RAB31: variants seen among roughly 807,000 people sequenced by gnomAD.
The protein encoded by RAB31 is RAB31, member RAS oncogene family.
A neutral mutation model predicts 25.6 loss-of-function variants in RAB31; 21 were observed. The ratio of observed to expected loss-of-function variants is 0.82; its 90% CI spans 0.58 to 1.18. The LOEUF is 1.18. RAB31 is among the 50% of genes most tolerant of loss of function. The probability of loss-of-function intolerance (pLI) is 0.00; values close to 1 mark genes in which losing one functional copy is unlikely to be tolerated. For synonymous variants in RAB31, 87 were observed against 84.0 expected, an observed-to-expected ratio of 1.04 and a Z score of -0.20; for missense variants, 196 against 250.1, an observed-to-expected ratio of 0.78 and a Z score of 1.46.
chr18:9,734,830 C>A, intron 1 of RAB31: 1 of 206,016 alleles, frequency 4.9e-6, no homozygotes, highest in Non-Finnish European at 1.1e-5. Flanking sequence ...CCTGCGGCTG[C>A]AAGCCACCAG....
intron 1 of RAB31, among the ~76,000 whole-genome samples, chr18:9,752,525 C>T (rs2068240778): frequency 6.6e-6 from 1 of 152,154 alleles, no homozygotes; most frequent in Non-Finnish European, 1.5e-5. Flanking sequence ...GTGCCCGGCC[C>T]AGCTCGGCCC....
chr18:9,823,263 G>A (rs1308227826), intron 5 of RAB31, among the ~76,000 whole-genome samples: 5 of 152,108 alleles, frequency 3.3e-5, no homozygotes, highest in East Asian at 1.9e-4. Flanking sequence ...GGTGGGGGAC[G>A]GGGAGGAAAG....
intron 1 of RAB31, among the ~76,000 whole-genome samples, chr18:9,759,146 G>T (rs2068274685): frequency 6.6e-6 from 1 of 152,108 alleles, no homozygotes; most frequent in Non-Finnish European, 1.5e-5. Flanking sequence ...GCTATGTAGA[G>T]CGGAGGGCAC....
chr18:9,822,803 G>A (rs960807644), intron 5 of RAB31, among the ~76,000 whole-genome samples: 8 of 152,176 alleles, frequency 5.3e-5, no homozygotes, highest in East Asian at 3.8e-4. Flanking sequence ...TCATCCATAC[G>A]TTGCCGGTGT....
chr18:9,796,947 C>T (rs1453277129), intron 3 of RAB31, among the ~76,000 whole-genome samples: 1 of 152,092 alleles, frequency 6.6e-6, no homozygotes, highest in East Asian at 1.9e-4. Context: ...AACACATTTT[C>T]TTAAAAATAC....
At chr18:9,796,865 A>G in intron 3 of RAB31, among the ~76,000 whole-genome samples, 1 of 152,094 alleles carries the variant, frequency 6.6e-6, no homozygotes, top group East Asian at 1.9e-4. Flanking sequence ...TCTGCTTTAG[A>G]ATACATGCTT....
At chr18:9,746,749 AC>A (rs1393277004) in intron 1 of RAB31, among the ~76,000 whole-genome samples, 1 of 152,218 alleles carries the variant, frequency 6.6e-6, no homozygotes, top group Non-Finnish European at 1.5e-5. Context: ...ACATTTGCAT[AC>A]CCTTTATACA....
chr18:9,771,464 C>T (rs558601082), intron 1 of RAB31, among the ~76,000 whole-genome samples: 3 of 152,200 alleles, frequency 2.0e-5, no homozygotes, highest in Non-Finnish European at 4.4e-5. Flanking sequence ...TCCAAGGCTC[C>T]TTCTTCACCC....
chr18:9,755,106 A>T (rs2068254389), intron 1 of RAB31, among the ~76,000 whole-genome samples: 1 of 152,200 alleles, frequency 6.6e-6, no homozygotes, highest in Non-Finnish European at 1.5e-5. Flanking sequence ...AATTAGATTG[A>T]AGATTAAATG....
chr18:9,742,310 G>A (rs1034409192), intron 1 of RAB31, among the ~76,000 whole-genome samples: 1 of 152,192 alleles, frequency 6.6e-6, no homozygotes, highest in African/African-American at 2.4e-5. Context: ...TCCTACTGAA[G>A]AGTGGATGGG....
intron 5 of RAB31, among the ~76,000 whole-genome samples, chr18:9,832,129 G>T (rs936449574): frequency 6.6e-6 from 1 of 152,204 alleles, no homozygotes; most frequent in African/African-American, 2.4e-5. Context: ...GAGGCGACAT[G>T]CAGTGAGAAG....
At chr18:9,859,187 G>A (rs2143160324) in intron 6 of RAB31, 41 bp from the exon 7 acceptor site, 3 of 1,512,106 alleles carry the variant, frequency 2.0e-6, no homozygotes, top group Non-Finnish European at 2.8e-6. Context: ...AGTGTTGGCT[G>A]TAGGAAAGGG....
chr18:9,853,999 A>G lies in RAB31; in HGVS notation c.491-5229A>G, dbSNP rs566298972. Among the ~76,000 whole-genome samples, 7 of 143,718 alleles carry G rather than the reference A, an allele frequency of 4.9e-5. No homozygotes were observed. The South Asian group carries it at 1.5e-3, about 31-fold the overall frequency. The allele number at this position is 143,718 out of a possible 152,430, so 94.3% of individuals were successfully genotyped here. A position where few individuals can be genotyped will look rare whatever the true frequency, so the allele number is the denominator to read the frequency against. ...TTTTTAACTTTAAATTCCAGGATAC[A>G]TATGCAGAACATGCGGGTTTGTTAC... On this transcript the variant is annotated intron_variant, in intron 6 of 6. Transcript: ENST00000578921.
intron 3 of RAB31, among the ~76,000 whole-genome samples, chr18:9,805,283 T>TAA (rs11451829): frequency 0.3 from 44,101 of 146,702 alleles, 7,284 homozygotes; most frequent in South Asian, 0.38. Flanking sequence ...ATAAAAAGAT[T>TAA]AAAAAAAAAA....
chr18:9,742,747 A>T (rs930930119), intron 1 of RAB31, among the ~76,000 whole-genome samples: 4 of 152,136 alleles, frequency 2.6e-5, no homozygotes, highest in Non-Finnish European at 5.9e-5. Context: ...TTTACTCATG[A>T]GCAGTGCAGA....
chr18:9,709,007 G>A (rs1036471463), intron 1 of RAB31, among the ~76,000 whole-genome samples: 1 of 152,214 alleles, frequency 6.6e-6, no homozygotes, highest in Non-Finnish European at 1.5e-5. Context: ...CCCAGCCAAG[G>A]GGGTGAAAGC....
chr18:9,784,883 G>A (rs1173584016), intron 2 of RAB31, among the ~76,000 whole-genome samples: 1 of 152,122 alleles, frequency 6.6e-6, no homozygotes, highest in Non-Finnish European at 1.5e-5. Flanking sequence ...TATATTCATA[G>A]AAAAGGAAAG....
chr18:9,826,363 G>A (rs1014910788), intron 5 of RAB31, among the ~76,000 whole-genome samples: 7 of 152,204 alleles, frequency 4.6e-5, no homozygotes, highest in African/African-American at 7.2e-5. Context: ...GTGACAGAGC[G>A]AGACATTGTC....
chr18:9,708,527 C>G lies in RAB31; in HGVS notation c.39+83C>G. The G allele has an allele frequency of 8.3e-7, 1 of 1,205,374 alleles. No homozygotes were observed. The highest frequency in any genetic ancestry group is 1.1e-6 in the Non-Finnish European group (1 of 888,398). The allele number at this position is 1,205,374 out of a possible 1,614,324, so 74.7% of individuals were successfully genotyped here. ...CTCCCCTATTCCCTGCGCGCTCAGT[C>G]CCCGTGATCCCCTCGCTCTCCGCAC... On this transcript the variant is annotated intron_variant, in intron 1 of 6. Transcript: ENST00000578921. This position sits in a 1 kb window ranked among gnomAD's most constrained non-coding sequence, Gnocchi z 6.4.
Sources: allele counts gnomAD v4.1 joint callset (sites outside exome capture counted in the v4.1 genomes callset), GRCh38; gene constraint gnomAD v4.1.1; non-coding constraint Gnocchi (gnomAD v3.1); transcripts MANE v1.5; gene names NCBI Gene and HGNC (gene_info 2026-07-23, HGNC 2026-07-21).